The following SPATA31H1 variants were observed in gnomAD, a reference collection of about 807,000 sequenced individuals.
SPATA31H1 encodes the protein SPATA31 subfamily H member 1, also known as spermatogenesis-associated protein 31H1.
chr2:27,566,385 G>C, the SPATA31H1 span: 1 of 717,246 alleles, frequency 1.4e-6, no homozygotes, highest in Non-Finnish European at 2.6e-6. Context: ...AAAGCGCAAG[G>C]TCAGGCAATG....
chr2:27,572,573 G>A, the SPATA31H1 span: 4 of 398,220 alleles, frequency 1.0e-5, no homozygotes, highest in Non-Finnish European at 1.8e-5. Flanking sequence ...GACCACAGCT[G>A]CAAAAAGGGA....
chr2:27,575,469 G>C, the SPATA31H1 span: 1 of 398,324 alleles, frequency 2.5e-6, no homozygotes, highest in Non-Finnish European at 4.4e-6. This position sits in a 1 kb window ranked among gnomAD's most constrained non-coding sequence, Gnocchi z 4.1. Flanking sequence ...GAAATCTTCT[G>C]AGTTGTGCCT....
the SPATA31H1 span, chr2:27,578,165 GCCAA>G: frequency 1.2e-6 from 2 of 1,614,030 alleles, no homozygotes; most frequent in Non-Finnish European, 1.7e-6. Flanking sequence ...CGATACCAAG[GCCAA>G]CCCCTCAAAT....
At chr2:27,548,260 C>T in the SPATA31H1 span, among the ~76,000 whole-genome samples, 2,107 of 151,832 alleles carry the variant, frequency 0.014, 22 homozygotes, top group South Asian at 0.04. Context: ...TGAGCCACCG[C>T]GCCCGGACTT....
At chr2:27,576,125 T>C in the SPATA31H1 span, 1 of 403,026 alleles carries the variant, frequency 2.5e-6, no homozygotes. Context: ...AATGTATAGA[T>C]TCTATGGAGT....
At chr2:27,578,022 C>A in the SPATA31H1 span, 7 of 1,614,118 alleles carry the variant, frequency 4.3e-6, no homozygotes, top group Non-Finnish European at 5.9e-6. Flanking sequence ...GCCACTAGAT[C>A]AAGTCACAGA....
chr2:27,581,954 T>A, the SPATA31H1 span: 2 of 1,611,406 alleles, frequency 1.2e-6, no homozygotes, highest in Non-Finnish European at 1.7e-6. Context: ...ACAGTCCCTC[T>A]GAGAGAAGCC....
chr2:27,576,240 G>T, the SPATA31H1 span: 3 of 412,048 alleles, frequency 7.3e-6, no homozygotes, highest in Non-Finnish European at 1.3e-5. Flanking sequence ...TATAAAATCT[G>T]TTGTGTTCAA....
chr2:27,575,303 A>G, the SPATA31H1 span: 1 of 398,418 alleles, frequency 2.5e-6, no homozygotes, highest in African/African-American at 2.1e-5. The surrounding 1 kb of genome is among the most constrained non-coding windows in gnomAD (Gnocchi z 4.1). Flanking sequence ...AATCTCATAA[A>G]TTGAATCCAT....
the SPATA31H1 span, among the ~76,000 whole-genome samples, chr2:27,560,751 C>T: frequency 6.6e-6 from 1 of 152,180 alleles, no homozygotes; most frequent in Non-Finnish European, 1.5e-5. Context: ...AGCCACCGCG[C>T]CCAGCCTCCA....
At chr2:27,548,594 C>T in the SPATA31H1 span, among the ~76,000 whole-genome samples, 12 of 144,028 alleles carry the variant, frequency 8.3e-5, no homozygotes, top group African/African-American at 1.3e-4. Context: ...GGTGACGGAG[C>T]CAGGCCCTGT....
chr2:27,578,298 AT>A, the SPATA31H1 span: 1 of 1,614,170 alleles, frequency 6.2e-7, no homozygotes, highest in Non-Finnish European at 8.5e-7. Flanking sequence ...AAAACACCAG[AT>A]TTTGGAAACA....
chr2:27,559,946 C>T, the SPATA31H1 span, among the ~76,000 whole-genome samples: 1 of 152,060 alleles, frequency 6.6e-6, no homozygotes, highest in Non-Finnish European at 1.5e-5. Flanking sequence ...CAGCTCACTG[C>T]AACCTCCACC....
the SPATA31H1 span, among the ~76,000 whole-genome samples, chr2:27,541,454 T>C: frequency 6.6e-6 from 1 of 151,838 alleles, no homozygotes; most frequent in Non-Finnish European, 1.5e-5. Context: ...CACCAACTCA[T>C]CATTTTCTAT....
chr2:27,560,276 A>G, the SPATA31H1 span, among the ~76,000 whole-genome samples: 1 of 152,136 alleles, frequency 6.6e-6, no homozygotes, highest in Non-Finnish European at 1.5e-5. Context: ...ATTTTTTAAT[A>G]GTTAACACTT....
At chr2:27,539,129 T>C in the SPATA31H1 span, among the ~76,000 whole-genome samples, 321 of 138,120 alleles carry the variant, frequency 2.3e-3, 1 homozygote, top group African/African-American at 8.8e-3. Context: ...TTTTTTTTAA[T>C]TGATCATTCT....
chr2:27,563,092 A>G, the SPATA31H1 span, among the ~76,000 whole-genome samples: 1 of 149,370 alleles, frequency 6.7e-6, no homozygotes, highest in East Asian at 1.9e-4. Context: ...TGTGAAGAAT[A>G]TCTTTTATTA....
the SPATA31H1 span, chr2:27,575,398 G>A: frequency 2.5e-6 from 1 of 398,376 alleles, no homozygotes; most frequent in Non-Finnish European, 4.4e-6. This position sits in a 1 kb window ranked among gnomAD's most constrained non-coding sequence, Gnocchi z 4.1. Flanking sequence ...TTATGCACAG[G>A]GACAAAGCTT....
chr2:27,581,398 C>T, the SPATA31H1 span: 1 of 1,613,866 alleles, frequency 6.2e-7, no homozygotes, highest in Non-Finnish European at 8.5e-7. Context: ...TGGCGCAGTC[C>T]GTCTCAGAGA....
Sources: gnomAD v4.1 joint callset for allele counts (sites outside exome capture counted in the v4.1 genomes callset) on GRCh38, gnomAD v4.1.1 for gene constraint, Gnocchi (gnomAD v3.1) non-coding constraint, MANE v1.5 for transcripts, NCBI Gene and HGNC (gene_info 2026-07-23, HGNC 2026-07-21) for gene names.